DISC1: variants seen among roughly 807,000 people sequenced by gnomAD.
The protein encoded by DISC1 is DISC1 scaffold protein.
In DISC1, 57 loss-of-function variants were observed where a neutral mutation model predicts 84.5. That is an observed-to-expected ratio of 0.67 (90% CI 0.55 to 0.84). The LOEUF (loss-of-function observed/expected upper bound fraction) is 0.84, where lower values mean the gene tolerates loss of function less well. DISC1 is among the 40% of genes least tolerant of loss of function. The pLI is 0.00. For synonymous variants in DISC1, 411 were observed against 415.2 expected (o/e 0.99, Z 0.12); for missense variants, 1,000 against 1,057.8 (o/e 0.95, Z 0.76).
chr1:231,982,246 G>C (rs1489633279), intron 10 of DISC1, among the ~76,000 whole-genome samples: 1 of 152,216 alleles, frequency 6.6e-6, no homozygotes, highest in African/African-American at 2.4e-5. Flanking sequence ...GCAATGCAAA[G>C]TATTGATTAA....
intron 9 of DISC1, among the ~76,000 whole-genome samples, chr1:231,874,548 ACACTTG>A (rs1011856297): frequency 1.3e-5 from 2 of 152,102 alleles, no homozygotes; most frequent in African/African-American, 4.8e-5. Context: ...CCATTCAAAA[ACACTTG>A]TTTTCATAGT....
intron 9 of DISC1, among the ~76,000 whole-genome samples, chr1:231,873,937 C>T (rs2085655335): frequency 1.3e-5 from 2 of 152,170 alleles, no homozygotes; most frequent in South Asian, 2.1e-4. Context: ...CAACCTCTGC[C>T]TCCCAGGTTC....
intron 8 of DISC1, among the ~76,000 whole-genome samples, chr1:231,817,336 G>A (rs544379202): frequency 5.3e-5 from 8 of 152,204 alleles, no homozygotes; most frequent in East Asian, 1.9e-4. Flanking sequence ...CCACCACCTC[G>A]GCCTCCCAAA....
intron 10 of DISC1, among the ~76,000 whole-genome samples, chr1:232,005,944 A>G (rs1667369973): frequency 6.6e-6 from 1 of 151,844 alleles, no homozygotes; most frequent in South Asian, 2.1e-4. Flanking sequence ...TTGGTTTTCC[A>G]AAAAAAAGTC....
At chr1:231,701,434 T>C (rs902547186) in intron 2 of DISC1, among the ~76,000 whole-genome samples, 3 of 152,200 alleles carry the variant, frequency 2.0e-5, no homozygotes, top group Admixed American at 2.0e-4. Flanking sequence ...TAAATAAGAC[T>C]GCCCTTTTCT....
intron 9 of DISC1, among the ~76,000 whole-genome samples, chr1:231,955,619 A>C (rs1000052933): frequency 1.3e-5 from 2 of 151,476 alleles, no homozygotes; most frequent in African/African-American, 4.9e-5. Flanking sequence ...CCTCCCAACT[A>C]GGTGGGATTA....
At chr1:231,631,956 A>C (rs1415151434) in intron 1 of DISC1, among the ~76,000 whole-genome samples, 1 of 152,190 alleles carries the variant, frequency 6.6e-6, no homozygotes, top group African/African-American at 2.4e-5. Context: ...TGCAAGCTCC[A>C]TGCATGATAA....
chr1:231,645,619 A>G (rs1447135546), intron 1 of DISC1, among the ~76,000 whole-genome samples: 2 of 151,828 alleles, frequency 1.3e-5, no homozygotes, highest in Non-Finnish European at 2.9e-5. Flanking sequence ...TGCTGCACCC[A>G]CTAACTTGTC....
chr1:231,899,516 A>G (rs1042221814), intron 9 of DISC1, among the ~76,000 whole-genome samples: 2 of 152,186 alleles, frequency 1.3e-5, no homozygotes, highest in East Asian at 3.9e-4. Context: ...TGTAAGTTTT[A>G]CCTAATTAAA....
chr1:231,663,954 G>C (rs1436210396), intron 1 of DISC1, among the ~76,000 whole-genome samples: 1 of 152,108 alleles, frequency 6.6e-6, no homozygotes, highest in African/African-American at 2.4e-5. Flanking sequence ...TAGGTATTAA[G>C]TTGGACAGAT....
At chr1:231,706,013 TAG>T (rs2067051042) in intron 3 of DISC1, among the ~76,000 whole-genome samples, 1 of 152,072 alleles carries the variant, frequency 6.6e-6, no homozygotes. Flanking sequence ...TGGCACAGAG[TAG>T]AGAGTTCCAT....
At chr1:231,820,275 G>A (rs1339060898) in intron 9 of DISC1, among the ~76,000 whole-genome samples, 1 of 152,048 alleles carries the variant, frequency 6.6e-6, no homozygotes, top group Non-Finnish European at 1.5e-5. Context: ...ATACATTGAA[G>A]CTTTTATTTA....
At position 231,826,276 on chromosome 1, in the gene DISC1, T is replaced by C. The variant is rs1014024634; in HGVS notation, c.1981+7759T>C. On this transcript the variant is annotated intron_variant, in intron 9 of 12. Transcript: ENST00000439617. This position sits in a 1 kb window ranked among gnomAD's most constrained non-coding sequence, Gnocchi z 4.2. ...CTGCCATTTTACCTTTGACGTTGCT[T>C]TATGTTCTTTATGAATTTGATTCCT... Among the ~76,000 whole-genome samples, 1 of 152,194 alleles carries C rather than the reference T, an allele frequency of 6.6e-6. No individual in the cohort carries two copies. The highest frequency in any genetic ancestry group is 2.4e-5 in the African/African-American group (1 of 41,446).
chr1:231,773,899 A>G (rs749899514), intron 6 of DISC1, among the ~76,000 whole-genome samples: 3 of 152,062 alleles, frequency 2.0e-5, no homozygotes, highest in African/African-American at 4.8e-5. Flanking sequence ...TGAGGTGACT[A>G]TAGGAAAACC....
intron 9 of DISC1, among the ~76,000 whole-genome samples, chr1:231,873,300 T>G (rs2085603803): frequency 6.6e-6 from 1 of 152,146 alleles, no homozygotes. Context: ...AGGCTACTAA[T>G]CTCCATTTCA....
chr1:231,767,066 ACT>A, intron 4 of DISC1, 72 bp from the exon 5 acceptor site: 1 of 1,588,524 alleles, frequency 6.3e-7, no homozygotes, highest in Non-Finnish European at 8.6e-7. Flanking sequence ...GGAGTTTCTT[ACT>A]CTTAAAATAC....
At chr1:231,886,788 T>C (rs1391800551) in intron 9 of DISC1, among the ~76,000 whole-genome samples, 2 of 139,284 alleles carry the variant, frequency 1.4e-5, no homozygotes, top group African/African-American at 2.6e-5. Flanking sequence ...TCTTTCTTTC[T>C]TTCTTTCTTT....
chr1:231,706,265 T>C (rs2067078280), intron 3 of DISC1, among the ~76,000 whole-genome samples: 1 of 152,230 alleles, frequency 6.6e-6, no homozygotes. Flanking sequence ...CCCGTGCTTA[T>C]GGTCAGGTGA....
intron 1 of DISC1, among the ~76,000 whole-genome samples, chr1:231,656,123 G>A (rs2061042177): frequency 6.6e-6 from 1 of 151,884 alleles, no homozygotes; most frequent in Non-Finnish European, 1.5e-5. Context: ...TCTTTGTGTT[G>A]GTTGTTTTTG....
Sources: allele counts gnomAD v4.1 joint callset (sites outside exome capture counted in the v4.1 genomes callset), GRCh38; gene constraint gnomAD v4.1.1; non-coding constraint Gnocchi (gnomAD v3.1); transcripts MANE v1.5; gene names NCBI Gene and HGNC (gene_info 2026-07-23, HGNC 2026-07-21).